Variants in CSMD1 observed in about 807,000 individuals in gnomAD.
CSMD1 encodes the protein CUB and sushi domain-containing protein 1.
A neutral mutation model predicts 417.5 loss-of-function variants in CSMD1; 213 were observed. The ratio of observed to expected loss-of-function variants is 0.51; its 90% CI spans 0.46 to 0.57. CSMD1 has a LOEUF of 0.57. CSMD1 is among the 20% of genes least tolerant of loss of function. The pLI, the probability that CSMD1 is intolerant of heterozygous loss-of-function variation, is 0.00. For synonymous variants in CSMD1, 2,862 were observed against 1,736.8 expected, an observed-to-expected ratio of 1.65 and a Z score of -16.11; for missense variants, 6,923 against 4,529.7, an observed-to-expected ratio of 1.53 and a Z score of -15.17.
intron 10 of CSMD1, among the ~76,000 whole-genome samples, chr8:3,564,519 G>GTGTGTGTGTGTGTA (rs1448408335): frequency 1.4e-5 from 2 of 144,946 alleles, no homozygotes; most frequent in African/African-American, 5.0e-5. Context: ...CAGTATATTT[G>GTGTGTGTGTGTGTA]TGTGTGTGTG....
At chr8:3,779,549 G>C (rs775517435) in intron 5 of CSMD1, among the ~76,000 whole-genome samples, 4 of 152,164 alleles carry the variant, frequency 2.6e-5, no homozygotes, top group Non-Finnish European at 5.9e-5. Context: ...ATGCAAATTA[G>C]CAGTGAATTA....
intron 2 of CSMD1, among the ~76,000 whole-genome samples, chr8:4,479,805 AAC>A (rs971949731): frequency 6.6e-5 from 10 of 151,982 alleles, no homozygotes; most frequent in Non-Finnish European, 7.4e-5. Context: ...CTCTACTGAA[AAC>A]ACAAAAATTA....
At chr8:2,952,273 C>G (rs1484017190) in intron 65 of CSMD1, among the ~76,000 whole-genome samples, 1 of 152,154 alleles carries the variant, frequency 6.6e-6, no homozygotes, top group Non-Finnish European at 1.5e-5. Flanking sequence ...AGATTCATGT[C>G]TCCCTAACCC....
At chr8:4,893,163 G>A (rs953086814) in intron 1 of CSMD1, among the ~76,000 whole-genome samples, 2 of 151,970 alleles carry the variant, frequency 1.3e-5, no homozygotes, top group African/African-American at 2.4e-5. Flanking sequence ...GTTTTAATTT[G>A]CTTTTCTGTG....
intron 1 of CSMD1, among the ~76,000 whole-genome samples, chr8:4,753,111 T>A (rs1032216879): frequency 1.4e-4 from 21 of 152,138 alleles, no homozygotes; most frequent in Non-Finnish European, 2.9e-4. Context: ...TTGGAAACAT[T>A]TTATGGATAA....
chr8:3,890,136 G>C (rs1376606427), intron 5 of CSMD1, among the ~76,000 whole-genome samples: 2 of 151,974 alleles, frequency 1.3e-5, no homozygotes, highest in African/African-American at 2.4e-5. Flanking sequence ...TTTATTATTG[G>C]GTGTATGGAC....
intron 5 of CSMD1, among the ~76,000 whole-genome samples, chr8:3,812,627 G>A (rs1306783946): frequency 6.6e-6 from 1 of 152,136 alleles, no homozygotes; most frequent in Non-Finnish European, 1.5e-5. Flanking sequence ...TACATTGACT[G>A]ACAAATCTGT....
rs533726604 is a variant in CSMD1 at position 4,169,949 on chromosome 8, G to A, written c.416-137850C>T. Among the ~76,000 whole-genome samples, 5 of 149,938 alleles carry A rather than the reference G, an allele frequency of 3.3e-5. 1 individual carries two copies. Among genetic ancestry groups the A allele is most frequent in the African/African-American group, 7.6e-5 (3 of 39,336 alleles). On this transcript the variant is annotated intron_variant, in intron 3 of 69. Coordinates refer to ENST00000635120, the MANE Select transcript of CSMD1 (RefSeq NM_033225.6). ...TAACTCAGAAGAGATTTTGGCTTGCGTGTGTGTTTTCCTCCATACTGTATC... is the reference window on the plus strand; with the variant it reads ...TAACTCAGAAGAGATTTTGGCTTGCATGTGTGTTTTCCTCCATACTGTATC...
In CSMD1 at chr8:4,303,163, T is replaced by C. The variant is rs150840351; in HGVS notation, c.415+116790A>G. ...GGAACTAAAACTTCCCTCAAACATA[T>C]AATAGGGCATGAATATTGTGGGCTT... On this transcript the variant is annotated intron_variant, in intron 3 of 69. Transcript: ENST00000635120. Among the ~76,000 whole-genome samples, 26 of 152,246 alleles carry C rather than the reference T, an allele frequency of 1.7e-4. No individual in the cohort carries two copies. The East Asian group carries it at 5.0e-3, about 29-fold the overall frequency.
At chr8:3,904,636 TTTC>T (rs1434748032) in intron 5 of CSMD1, among the ~76,000 whole-genome samples, 40 of 132,806 alleles carry the variant, frequency 3.0e-4, no homozygotes, top group African/African-American at 1.2e-3. Context: ...TCTCGTTTTC[TTTC>T]TTTTTTTTTT....
At chr8:3,802,432 CA>C (rs1172878520) in intron 5 of CSMD1, among the ~76,000 whole-genome samples, 1 of 152,124 alleles carries the variant, frequency 6.6e-6, no homozygotes, top group Non-Finnish European at 1.5e-5. Flanking sequence ...ATTCTTTAGA[CA>C]TTTTTTTCTT....
At chr8:3,363,237 C>T (rs12680963) in intron 20 of CSMD1, among the ~76,000 whole-genome samples, 35,622 of 151,998 alleles carry the variant, frequency 0.23, 4,274 homozygotes, top group African/African-American at 0.29. Context: ...AAAGAATGAG[C>T]GTACTCTCCT....
chr8:4,295,164 T>A (rs1434525712), intron 3 of CSMD1, among the ~76,000 whole-genome samples: 1 of 144,316 alleles, frequency 6.9e-6, no homozygotes, highest in East Asian at 2.1e-4. Context: ...GCACATATAA[T>A]CTTAAGATTA....
intron 5 of CSMD1, among the ~76,000 whole-genome samples, chr8:3,981,356 G>A (rs992058939): frequency 1.3e-5 from 2 of 152,080 alleles, no homozygotes; most frequent in East Asian, 1.9e-4. Flanking sequence ...AAGAGTGGAA[G>A]GGGGGTGAAG....
rs752127858 is a variant in CSMD1, at chr8:2,974,528, C to T, written c.8663G>A (p.Ser2888Asn). Residue 2888 changes from serine to asparagine, a missense_variant, in exon 56 of 70, where the codon AGC becomes AAC. Ser to Asn is a conservative substitution (Grantham distance 46). Coordinates refer to ENST00000635120, the MANE Select transcript of CSMD1 (RefSeq NM_033225.6). ...GAVVHYSCRG[S>N]ESLIGNDTRV... Reference sequence around the variant, plus strand: ...CGTGTCGTTGCCTATGAGGCTCTCGCTCCCTCTGCAGGAGTAGTGCACGAC... The same window carrying T: ...CGTGTCGTTGCCTATGAGGCTCTCGTTCCCTCTGCAGGAGTAGTGCACGAC... 4.3e-6 allele frequency: 7 copies of T among 1,613,546 alleles called. No individual in the cohort carries two copies. The African/African-American group carries it at 5.3e-5, about 12-fold the overall frequency.
intron 3 of CSMD1, among the ~76,000 whole-genome samples, chr8:4,340,641 G>A (rs1463914056): frequency 6.6e-6 from 1 of 152,070 alleles, no homozygotes; most frequent in Non-Finnish European, 1.5e-5. Context: ...GAGCCAAGTG[G>A]AGCTTGGTCG....
rs1215926851 is a variant in CSMD1, at chr8:2,937,843, T to C, written c.*742A>G. On this transcript the variant is annotated 3_prime_UTR_variant, in exon 70 of 70. Coordinates refer to ENST00000635120, the MANE Select transcript of CSMD1 (RefSeq NM_033225.6). ...TGTTTAGCTTGATAATATGAAATAA[T>C]GCTTATATACAATGGATAGTGTGTA... The C allele has an allele frequency of 6.6e-6, 1 of 152,662 alleles. No individual in the cohort carries two copies. The highest frequency in any genetic ancestry group is 1.5e-5 in the Non-Finnish European group (1 of 68,050). 9.5% of individuals were successfully genotyped at this position (152,662 alleles called of 1,614,324 possible). A position where few individuals can be genotyped will look rare whatever the true frequency, so the allele number is the denominator to read the frequency against.
chr8:3,997,018 C>T (rs950895505), intron 5 of CSMD1, among the ~76,000 whole-genome samples: 1 of 152,188 alleles, frequency 6.6e-6, no homozygotes, highest in African/African-American at 2.4e-5. Flanking sequence ...CCTCTTCCTA[C>T]TCATAAATGG....
intron 6 of CSMD1, among the ~76,000 whole-genome samples, chr8:3,746,577 T>C (rs1323036457): frequency 3.3e-5 from 5 of 152,232 alleles, no homozygotes; most frequent in African/African-American, 1.2e-4. Flanking sequence ...ATGTATTCCA[T>C]TAGTCTGCGT....
Sources: gnomAD v4.1 joint callset for allele counts (sites outside exome capture counted in the v4.1 genomes callset) on GRCh38, gnomAD v4.1.1 for gene constraint, MANE v1.5 for transcripts, NCBI Gene and HGNC (gene_info 2026-07-23, HGNC 2026-07-21) for gene names.